The following TESK2 variants were observed in gnomAD, a reference collection of about 807,000 sequenced individuals.
TESK2 encodes the protein testis associated actin remodelling kinase 2, also known as dual specificity testis-specific protein kinase 2.
TESK2 carries 39 observed loss-of-function variants against 57.1 expected under a neutral mutation model. The observed-to-expected ratio is 0.68, with a 90% CI of 0.53 to 0.89. The LOEUF is 0.89. Ranked by LOEUF, TESK2 falls within the 40% of genes least tolerant of loss-of-function variation. TESK2 has a pLI of 0.00. For missense variants in TESK2, 646 were observed against 732.1 expected, an observed-to-expected ratio of 0.88 and a Z score of 1.36; for synonymous variants, 249 against 267.9, an observed-to-expected ratio of 0.93 and a Z score of 0.69.
intron 1 of TESK2, among the ~76,000 whole-genome samples, chr1:45,476,698 T>C (rs1653006811): frequency 6.6e-6 from 1 of 150,652 alleles, no homozygotes; most frequent in African/African-American, 2.5e-5. Context: ...ACACAAAAAA[T>C]TAGACAGGCC....
chr1:45,359,293 C>T (rs1647574534), intron 4 of TESK2, among the ~76,000 whole-genome samples: 1 of 152,218 alleles, frequency 6.6e-6, no homozygotes, highest in Admixed American at 6.5e-5. Flanking sequence ...GGCGCCGTGG[C>T]TCACGCCTGT....
chr1:45,412,708 T>A (rs1364085800), intron 3 of TESK2, among the ~76,000 whole-genome samples: 2 of 152,178 alleles, frequency 1.3e-5, no homozygotes, highest in Non-Finnish European at 2.9e-5. Flanking sequence ...AAAGAAATAT[T>A]AAATTTCTCA....
At chr1:45,381,335 C>G (rs965272617) in intron 4 of TESK2, among the ~76,000 whole-genome samples, 1 of 152,162 alleles carries the variant, frequency 6.6e-6, no homozygotes, top group African/African-American at 2.4e-5. Flanking sequence ...GCGGCATATT[C>G]CTGATAAGGG....
intron 3 of TESK2, among the ~76,000 whole-genome samples, chr1:45,386,543 G>A (rs904884063): frequency 1.3e-5 from 2 of 151,962 alleles, no homozygotes; most frequent in Non-Finnish European, 1.5e-5. Context: ...TATTTCAAGA[G>A]TTTTAGGGGT....
At chr1:45,423,471 G>T (rs1480719668) in intron 2 of TESK2, among the ~76,000 whole-genome samples, 1 of 151,368 alleles carries the variant, frequency 6.6e-6, no homozygotes, top group Admixed American at 6.6e-5. Flanking sequence ...CCAGGAGAAT[G>T]GCATGAGCCT....
At chr1:45,412,594 G>T (rs1375243862) in intron 3 of TESK2, among the ~76,000 whole-genome samples, 3 of 152,180 alleles carry the variant, frequency 2.0e-5, no homozygotes, top group Non-Finnish European at 4.4e-5. Flanking sequence ...CCTAGCACAG[G>T]GAGGGACTGA....
intron 4 of TESK2, among the ~76,000 whole-genome samples, chr1:45,370,613 G>A (rs954916964): frequency 2.6e-5 from 4 of 152,166 alleles, no homozygotes; most frequent in Non-Finnish European, 5.9e-5. Flanking sequence ...CAGAGAAAAT[G>A]AATTCTAAGC....
At chr1:45,415,248 A>G in intron 3 of TESK2, 1 of 1,446,614 alleles carries the variant, frequency 6.9e-7, no homozygotes, top group Non-Finnish European at 9.7e-7. Context: ...GCAAGGTGAA[A>G]GAAGGCATGA....
chr1:45,399,007 A>AG (rs71052872), intron 3 of TESK2: 1 of 427,060 alleles, frequency 2.3e-6, no homozygotes, highest in Non-Finnish European at 4.6e-6. Flanking sequence ...AAAAAAAAAA[A>AG]CAAGCCTTTA....
intron 2 of TESK2, among the ~76,000 whole-genome samples, chr1:45,431,499 T>G (rs1232508286): frequency 6.6e-6 from 1 of 152,116 alleles, no homozygotes; most frequent in South Asian, 2.1e-4. Context: ...AAATTGTACT[T>G]TTTACTTCCC....
intron 2 of TESK2, among the ~76,000 whole-genome samples, chr1:45,449,790 T>G (rs1651799205): frequency 6.6e-6 from 1 of 152,194 alleles, no homozygotes; most frequent in South Asian, 2.1e-4. Flanking sequence ...TTAACTCATC[T>G]CGAGTTTATT....
chr1:45,459,380 T>A (rs1293754991), intron 1 of TESK2, among the ~76,000 whole-genome samples: 1 of 152,094 alleles, frequency 6.6e-6, no homozygotes, highest in Non-Finnish European at 1.5e-5. Context: ...CATCCTGAGG[T>A]TCCATGAGAT....
chr1:45,362,936 G>T (rs1391517435), intron 4 of TESK2, among the ~76,000 whole-genome samples: 3 of 151,702 alleles, frequency 2.0e-5, no homozygotes, highest in Non-Finnish European at 4.4e-5. Context: ...ATGCTACATA[G>T]AAATATTCTA....
intron 2 of TESK2, among the ~76,000 whole-genome samples, chr1:45,447,344 T>A (rs1203874828): frequency 5.8e-5 from 2 of 34,514 alleles, no homozygotes; most frequent in African/African-American, 1.6e-4. Flanking sequence ...TTCTATTAAA[T>A]TTTTTTTTTT....
At chr1:45,396,705 T>C (rs1570687141) in intron 3 of TESK2, among the ~76,000 whole-genome samples, 1 of 151,210 alleles carries the variant, frequency 6.6e-6, no homozygotes, top group South Asian at 2.1e-4. Flanking sequence ...GCCAGGCTGG[T>C]CTCGAACTCC....
intron 1 of TESK2, among the ~76,000 whole-genome samples, chr1:45,474,495 C>T (rs72896187): frequency 0.05 from 7,542 of 151,778 alleles, 649 homozygotes; most frequent in African/African-American, 0.17. Context: ...TTTTTTGAGA[C>T]GGAATGTCTC....
chr1:45,384,371 C>G lies in TESK2; in HGVS notation c.393+1541G>C, dbSNP rs1329824786. On this transcript the variant is annotated intron_variant, in intron 4 of 10. Transcript: ENST00000372086. ...TGTATGTATGTACGTACGTATCTAT[C>G]TATCTATCTATCTATCTGTCTATCT... is the stretch of plus-strand genomic sequence containing the variant. Among the ~76,000 whole-genome samples, 57 of 135,004 alleles carry G rather than the reference C, an allele frequency of 4.2e-4. No individual in the cohort carries two copies. In the East Asian group the frequency reaches 0.01, roughly 25 times the overall value. 88.6% of individuals were successfully genotyped at this position (135,004 alleles called of 152,430 possible). A position where few individuals can be genotyped will look rare whatever the true frequency, so the allele number is the denominator to read the frequency against.
Position 45,344,047 on chromosome 1 carries a change from T to C in TESK2, c.*793A>G. The C allele has an allele frequency of 4.2e-6, 1 of 238,392 alleles. No homozygotes were observed. The allele number at this position is 238,392 out of a possible 1,614,324, so 14.8% of individuals were successfully genotyped here. A position where few individuals can be genotyped will look rare whatever the true frequency, so the allele number is the denominator to read the frequency against. ...CAGACTGTTCCCAAAGCTCCAGCCA[T>C]GGCAGGAAGGGAAGCAAATCAGTCC... On this transcript the variant is annotated 3_prime_UTR_variant, in exon 11 of 11. Coordinates refer to ENST00000372086, the MANE Select transcript of TESK2 (RefSeq NM_007170.3).
chr1:45,379,160 G>T (rs758672111), intron 4 of TESK2, among the ~76,000 whole-genome samples: 2 of 152,178 alleles, frequency 1.3e-5, no homozygotes, highest in Non-Finnish European at 2.9e-5. Context: ...ATCAGGGTCT[G>T]CCTTGCTCAC....
Sources: allele counts gnomAD v4.1 joint callset (sites outside exome capture counted in the v4.1 genomes callset), GRCh38; gene constraint gnomAD v4.1.1; transcripts MANE v1.5; gene names NCBI Gene and HGNC (gene_info 2026-07-23, HGNC 2026-07-21).